The following HMBOX1 variants were observed in gnomAD, a reference collection of about 807,000 sequenced individuals.
HMBOX1 encodes homeobox containing 1.
HMBOX1 carries 14 observed loss-of-function variants against 54.5 expected under a neutral mutation model. That is an observed-to-expected ratio of 0.26 (90% CI 0.17 to 0.40). The LOEUF (loss-of-function observed/expected upper bound fraction) is 0.40, where lower values mean the gene tolerates loss of function less well. Among genes scored for constraint, HMBOX1 ranks in the 10% least tolerant of loss-of-function variants. The pLI is 1.00. For missense variants in HMBOX1, 332 were observed against 514.4 expected (o/e 0.65, Z 3.43); for synonymous variants, 160 against 181.0 (o/e 0.88, Z 0.93).
At chr8:28,941,976 T>A (rs183066246) in intron 1 of HMBOX1, among the ~76,000 whole-genome samples, 1 of 152,206 alleles carries the variant, frequency 6.6e-6, no homozygotes, top group African/African-American at 2.4e-5. Context: ...AAACGAATAC[T>A]CTTTCCTTAC....
intron 1 of HMBOX1, among the ~76,000 whole-genome samples, chr8:28,962,801 G>A (rs2132269264): frequency 1.3e-5 from 2 of 151,976 alleles, no homozygotes; most frequent in Middle Eastern, 3.4e-3. Context: ...TTGTATTTTT[G>A]GTCTTTTTTT....
At chr8:28,954,956 A>T (rs74462618) in intron 1 of HMBOX1, among the ~76,000 whole-genome samples, 2,333 of 152,270 alleles carry the variant, frequency 0.015, 40 homozygotes, top group African/African-American at 0.04. Context: ...CCTTCTGGCA[A>T]TACAGTATCG....
intron 3 of HMBOX1, among the ~76,000 whole-genome samples, chr8:28,971,242 A>G (rs1827368706): frequency 6.6e-6 from 1 of 151,666 alleles, no homozygotes; most frequent in African/African-American, 2.4e-5. Flanking sequence ...ACAGGCATGC[A>G]CCACCATGCT....
intron 4 of HMBOX1, among the ~76,000 whole-genome samples, chr8:29,003,504 A>C (rs1444611767): frequency 7.1e-6 from 1 of 139,872 alleles, no homozygotes; most frequent in Non-Finnish European, 1.5e-5. Flanking sequence ...GTGTATATAT[A>C]TATATATATA....
At chr8:29,049,611 C>T in intron 9 of HMBOX1, 1 of 509,406 alleles carries the variant, frequency 2.0e-6, no homozygotes, top group Non-Finnish European at 3.3e-6. Context: ...ACCTGCATGA[C>T]TCTTCACCTC....
intron 3 of HMBOX1, among the ~76,000 whole-genome samples, chr8:28,977,357 CGTA>C (rs2132438512): frequency 6.6e-6 from 1 of 152,196 alleles, no homozygotes; most frequent in South Asian, 2.1e-4. Context: ...GCTTCATTTT[CGTA>C]GGTCATTCTA....
intron 1 of HMBOX1, among the ~76,000 whole-genome samples, chr8:28,920,392 CAG>C (rs985500667): frequency 2.0e-5 from 3 of 152,054 alleles, no homozygotes; most frequent in Non-Finnish European, 4.4e-5. Flanking sequence ...AAACCCTAGG[CAG>C]TATTTGCCTG....
At chr8:29,030,147 C>G (rs1181525983) in intron 6 of HMBOX1, among the ~76,000 whole-genome samples, 1 of 143,694 alleles carries the variant, frequency 7.0e-6, no homozygotes, top group Non-Finnish European at 1.5e-5. Flanking sequence ...TTTAGCATAT[C>G]TTATATTTTC....
At chr8:28,977,812 C>T (rs1353608894) in intron 3 of HMBOX1, among the ~76,000 whole-genome samples, 3 of 151,556 alleles carry the variant, frequency 2.0e-5, no homozygotes, top group Non-Finnish European at 2.9e-5. Flanking sequence ...GGCGTAATGG[C>T]GGGCGCCTGT....
chr8:28,899,441 A>G (rs1261442003), intron 1 of HMBOX1, among the ~76,000 whole-genome samples: 1 of 152,238 alleles, frequency 6.6e-6, no homozygotes, highest in East Asian at 1.9e-4. Flanking sequence ...CCCTCTATCT[A>G]TATAGTGACA....
intron 1 of HMBOX1, among the ~76,000 whole-genome samples, chr8:28,935,469 A>G (rs1276251934): frequency 1.3e-5 from 2 of 152,190 alleles, no homozygotes; most frequent in Non-Finnish European, 2.9e-5. Flanking sequence ...ATGTTGGTGG[A>G]AGAACCGGAT....
At chr8:28,924,121 T>G (rs1818008016) in intron 1 of HMBOX1, among the ~76,000 whole-genome samples, 1 of 151,830 alleles carries the variant, frequency 6.6e-6, no homozygotes, top group South Asian at 2.1e-4. Flanking sequence ...GGTTTTTTTT[T>G]TTTGAGATGG....
At chr8:28,912,685 G>A (rs1815690250) in intron 1 of HMBOX1, among the ~76,000 whole-genome samples, 1 of 152,046 alleles carries the variant, frequency 6.6e-6, no homozygotes, top group South Asian at 2.1e-4. Context: ...TTTGGAGGCT[G>A]CTTCTTGCCC....
chr8:28,903,624 T>C (rs950051435), intron 1 of HMBOX1, among the ~76,000 whole-genome samples: 2 of 152,222 alleles, frequency 1.3e-5, no homozygotes, highest in African/African-American at 4.8e-5. Flanking sequence ...AGATATCTCA[T>C]TTGGCACTTG....
intron 4 of HMBOX1, among the ~76,000 whole-genome samples, chr8:28,983,095 T>C (rs1251131222): frequency 6.6e-6 from 1 of 152,224 alleles, no homozygotes; most frequent in Non-Finnish European, 1.5e-5. Flanking sequence ...TGGACCTTTC[T>C]TTTGCTGCCA....
At chr8:28,961,807 A>G (rs1825634301) in intron 1 of HMBOX1, among the ~76,000 whole-genome samples, 1 of 151,944 alleles carries the variant, frequency 6.6e-6, no homozygotes, top group African/African-American at 2.4e-5. Context: ...GCAATATACA[A>G]GGATTCCATT....
At position 29,051,702 on chromosome 8, in the gene HMBOX1, A is replaced by G; in HGVS notation, c.*547A>G. 2.9e-6 allele frequency: 2 copies of G among 687,554 alleles called. No individual in the cohort carries two copies. The highest frequency in any genetic ancestry group is 5.4e-6 in the Non-Finnish European group (2 of 373,262). 42.6% of individuals were successfully genotyped at this position (687,554 alleles called of 1,614,324 possible). A position where few individuals can be genotyped will look rare whatever the true frequency, so the allele number is the denominator to read the frequency against. On this transcript the variant is annotated 3_prime_UTR_variant, in exon 10 of 10. Coordinates refer to ENST00000287701, the MANE Select transcript of HMBOX1 (RefSeq NM_001135726.3). ...ATAAGCCGTGCCTCATTATAGCCAC[A>G]CTGTGGCTAGATTATACTTCTTTGG...
chr8:29,030,178 A>AG (rs1311338940), intron 6 of HMBOX1, among the ~76,000 whole-genome samples: 3 of 120,378 alleles, frequency 2.5e-5, no homozygotes, highest in Admixed American at 7.9e-5. Context: ...ATTAGGTTCC[A>AG]GTTTTTTTTT....
chr8:28,897,934 G>T (rs1054377614), intron 1 of HMBOX1, among the ~76,000 whole-genome samples: 34 of 152,270 alleles, frequency 2.2e-4, no homozygotes, highest in African/African-American at 7.9e-4. Flanking sequence ...TCAGAAAAAG[G>T]ATCTTTACAG....
Sources: gnomAD v4.1 joint callset for allele counts (sites outside exome capture counted in the v4.1 genomes callset) on GRCh38, gnomAD v4.1.1 for gene constraint, MANE v1.5 for transcripts, NCBI Gene and HGNC (gene_info 2026-07-23, HGNC 2026-07-21) for gene names.